ZNF546: variants seen among roughly 807,000 people sequenced by gnomAD.
ZNF546 encodes CTC-471F3.6.
ZNF546 carries 60 observed loss-of-function variants against 76.2 expected under a neutral mutation model. That is an observed-to-expected ratio of 0.79 (90% CI 0.64 to 0.98). The LOEUF is 0.98. ZNF546 is among the 50% of genes least tolerant of loss of function. The pLI is 0.00. For missense variants in ZNF546, 936 were observed against 1,035.6 expected (o/e 0.90, Z 1.32); for synonymous variants, 277 against 328.1 (o/e 0.84, Z 1.68).
At chr19:40,000,578 T>C (rs1401864905) in intron 3 of ZNF546, among the ~76,000 whole-genome samples, 1 of 141,116 alleles carries the variant, frequency 7.1e-6, no homozygotes, top group Non-Finnish European at 1.5e-5. Flanking sequence ...ATAGCACCAC[T>C]GCCCTCCAGG....
Position 40,018,410 on chromosome 19 carries a change from A to T in ZNF546, c.*2629A>T, listed in dbSNP as rs1326163152. On this transcript the variant is annotated 3_prime_UTR_variant, in exon 7 of 7. Coordinates refer to ENST00000347077, the MANE Select transcript of ZNF546 (RefSeq NM_178544.5). ...GGAGAAATTTTGTATTTCAATTTGTAACCCATTAGGTGGCATACAATGTCA... is the reference window on the plus strand; with the variant it reads ...GGAGAAATTTTGTATTTCAATTTGTTACCCATTAGGTGGCATACAATGTCA... The T allele has an allele frequency of 1.3e-5, 2 of 152,230 alleles. No individual in the cohort carries two copies. The highest frequency in any genetic ancestry group is 3.8e-4 in the East Asian group (2 of 5,198). The allele number at this position is 152,230 out of a possible 1,614,324, so 9.4% of individuals were successfully genotyped here.
chr19:40,001,473 C>A (rs1402425262), intron 3 of ZNF546, among the ~76,000 whole-genome samples: 3 of 151,678 alleles, frequency 2.0e-5, no homozygotes, highest in Non-Finnish European at 4.4e-5. Flanking sequence ...AGTAATTCTT[C>A]TGCCCAGCCT....
rs1001052638 is a variant in ZNF546 at position 40,015,407 on chromosome 19, A to C, written c.2137A>C (p.Arg713=). The change falls in exon 7 of 7, where the codon AGA becomes CGA. Residue 713 remains arginine (R), a synonymous_variant. Coordinates refer to ENST00000347077, the MANE Select transcript of ZNF546 (RefSeq NM_178544.5). The part of the protein sequence containing the change: ...ICSYRLTLHQ[R]IHTGELPYEC... ...CAGTTATCGACTTACATTACATCAA[A>C]GAATTCACACTGGTGAGCTTCCATA... 6.2e-7 allele frequency: 1 copy of C among 1,614,124 alleles called. No homozygotes were observed. The highest frequency in any genetic ancestry group is 1.3e-5 in the African/African-American group (1 of 74,950).
chr19:39,998,184 A>G (rs990507633), intron 2 of ZNF546, 64 bp from the exon 3 acceptor site: 2 of 596,604 alleles, frequency 3.4e-6, no homozygotes, highest in East Asian at 2.8e-5. Context: ...CATAAATTGC[A>G]ACTCTCTGGT....
rs1971794598 is a variant in ZNF546, at chr19:40,017,892, A to G, written c.*2111A>G. On this transcript the variant is annotated 3_prime_UTR_variant, in exon 7 of 7. Transcript: ENST00000347077. ...TTAAATTCAGGAACCAAATTCATGA[A>G]TTACATTTGTGCATTGTTCGTCTCT... is the stretch of plus-strand genomic sequence containing the variant. 6.6e-6 allele frequency: 1 copy of G among 151,078 alleles called. No individual in the cohort carries two copies. Among genetic ancestry groups the G allele is most frequent in the African/African-American group, 2.4e-5 (1 of 41,026 alleles). The allele number at this position is 151,078 out of a possible 1,614,324, so 9.4% of individuals were successfully genotyped here. A position where few individuals can be genotyped will look rare whatever the true frequency, so the allele number is the denominator to read the frequency against.
intron 3 of ZNF546, 76 bp from the exon 4 acceptor site, chr19:40,006,020 A>G: frequency 8.1e-7 from 1 of 1,233,262 alleles, no homozygotes; most frequent in East Asian, 2.3e-5. Flanking sequence ...ATGGCATAAC[A>G]GGATCTTATT....
chr19:40,016,634 CT>C lies in ZNF546; in HGVS notation c.*854del, dbSNP rs1971773002. On this transcript the variant is annotated 3_prime_UTR_variant, in exon 7 of 7. Transcript: ENST00000347077. ...TAACTGAGTTAACTCTGTCAGATTGCTGCAAACATTTCTAAATACTTGCTCT... is the reference window on the plus strand; with the variant it reads ...TAACTGAGTTAACTCTGTCAGATTGCGCAAACATTTCTAAATACTTGCTCT... The C allele has an allele frequency of 6.6e-6, 1 of 152,174 alleles. No individual in the cohort carries two copies. Among genetic ancestry groups the C allele is most frequent in the East Asian group, 1.9e-4 (1 of 5,204 alleles). 9.4% of individuals were successfully genotyped at this position (152,174 alleles called of 1,614,324 possible).
chr19:39,997,680 C>G (rs1426785535), intron 1 of ZNF546, among the ~76,000 whole-genome samples, 181 bp from the exon 2 acceptor site: 2 of 152,190 alleles, frequency 1.3e-5, no homozygotes, highest in East Asian at 3.9e-4. Flanking sequence ...TACCTTTGAT[C>G]TAGAAACCTG....
In ZNF546 at chr19:40,015,279, G is replaced by A. The variant is rs780756604; in HGVS notation, c.2009G>A (p.Cys670Tyr). 1.9e-6 allele frequency: 3 copies of A among 1,613,996 alleles called. No homozygotes were observed. In the African/African-American group the frequency reaches 4.0e-5, roughly 22 times the overall value. ...GAGAAACCCTACGAATGTACGGAAT[G>A]TGGGAAGACGTTTAGTCGGCACTAT... ...TGEKPYECTE[C>Y]GKTFSRHYHL... The change falls in exon 7 of 7, where the codon TGT (cysteine) becomes TAT (tyrosine). Residue 670 changes from cysteine to tyrosine, a missense_variant. Transcript: ENST00000347077.
intron 3 of ZNF546, among the ~76,000 whole-genome samples, chr19:40,000,388 G>T (rs1971512674): frequency 1.3e-5 from 2 of 152,006 alleles, no homozygotes; most frequent in African/African-American, 4.8e-5. Context: ...ACTTTGGGAG[G>T]CCCAGGCAGG....
At chr19:40,003,991 G>T (rs1971563991) in intron 3 of ZNF546, among the ~76,000 whole-genome samples, 1 of 144,758 alleles carries the variant, frequency 6.9e-6, no homozygotes, top group African/African-American at 2.7e-5. Flanking sequence ...CAGCCTGGGT[G>T]ACAGAGTGAG....
At chr19:40,004,088 T>A (rs1971568941) in intron 3 of ZNF546, among the ~76,000 whole-genome samples, 1 of 141,852 alleles carries the variant, frequency 7.0e-6, no homozygotes, top group Non-Finnish European at 1.5e-5. Flanking sequence ...TATATAACTA[T>A]ATTAATATAT....
At chr19:40,001,328 T>TC (rs1971526383) in intron 3 of ZNF546, among the ~76,000 whole-genome samples, 2 of 151,734 alleles carry the variant, frequency 1.3e-5, no homozygotes, top group Non-Finnish European at 2.9e-5. Context: ...AAGAATGATG[T>TC]CCCCCCTTTG....
Position 39,998,306 on chromosome 19 carries a change from C to T in ZNF546, c.-21C>T, listed in dbSNP as rs748285121. ...GTCCAGTGACCTATCCCAGGCCTTC[C>T]TTTCCAGTGAACAATGGACCATGCA... is the stretch of plus-strand genomic sequence containing the variant. On this transcript the variant is annotated 5_prime_UTR_variant, in exon 3 of 7. Transcript: ENST00000347077. 4 of 1,607,378 alleles carry T rather than the reference C, an allele frequency of 2.5e-6. No homozygotes were observed. In the South Asian group the frequency reaches 3.3e-5, roughly 13 times the overall value.
intron 3 of ZNF546, among the ~76,000 whole-genome samples, chr19:40,002,721 A>C (rs1806511740): frequency 6.8e-6 from 1 of 146,752 alleles, no homozygotes; most frequent in Non-Finnish European, 1.5e-5. Flanking sequence ...TTTTGTCGAG[A>C]TAGAGTCTCA....
At position 40,010,436 on chromosome 19, in the gene ZNF546, A is replaced by G. The variant is rs529647819; in HGVS notation, c.394+1871A>G. On this transcript the variant is annotated intron_variant, in intron 6 of 6. Coordinates refer to ENST00000347077, the MANE Select transcript of ZNF546 (RefSeq NM_178544.5). ...AAAAAAAGAAGAAGAAAGTGGTTGT[A>G]TCTTTTTACTTTCCCAGCAGAAGTT... Among the ~76,000 whole-genome samples, 3 of 151,750 alleles carry G rather than the reference A, an allele frequency of 2.0e-5. No individual in the cohort carries two copies. The South Asian group carries it at 6.2e-4, about 32-fold the overall frequency.
At chr19:39,998,769 C>T (rs187894482) in intron 3 of ZNF546, among the ~76,000 whole-genome samples, 14 of 152,046 alleles carry the variant, frequency 9.2e-5, no homozygotes, top group East Asian at 3.9e-4. Context: ...AAGAATAATA[C>T]GCAATTTTTT....
intron 5 of ZNF546, among the ~76,000 whole-genome samples, chr19:40,007,999 A>C (rs904234847): frequency 6.6e-6 from 1 of 152,360 alleles, no homozygotes; most frequent in East Asian, 1.9e-4. Context: ...TAGTACCAAC[A>C]ACAAAATAAT....
chr19:40,001,129 C>CA (rs1971524213), intron 3 of ZNF546, among the ~76,000 whole-genome samples: 1 of 152,058 alleles, frequency 6.6e-6, no homozygotes, highest in Non-Finnish European at 1.5e-5. Context: ...TGACAGGAGG[C>CA]AGAGATCAAG....
Sources: allele counts gnomAD v4.1 joint callset (sites outside exome capture counted in the v4.1 genomes callset), GRCh38; gene constraint gnomAD v4.1.1; transcripts MANE v1.5; gene names NCBI Gene and HGNC (gene_info 2026-07-23, HGNC 2026-07-21).